The following WRN variants were observed in gnomAD, a reference collection of about 807,000 sequenced individuals.
The protein encoded by WRN is WRN RecQ like helicase.
WRN carries 149 observed loss-of-function variants against 180.7 expected under a neutral mutation model. The observed-to-expected ratio is 0.82, with a 90% CI of 0.72 to 0.94. The LOEUF (loss-of-function observed/expected upper bound fraction) is 0.94. WRN is among the 40% of genes least tolerant of loss of function. WRN has a pLI of 0.00. For missense variants in WRN, 1,661 were observed against 1,700.1 expected (o/e 0.98, Z 0.40); for synonymous variants, 548 against 568.9 (o/e 0.96, Z 0.52).
At position 31,116,296 on chromosome 8, in the gene WRN, G is replaced by A. The variant is rs527255720; in HGVS notation, c.2274-58G>A. ...AGAATTAAATAAGATAAAACCAAACGGGTCTGAAGCATGTATAAAGTATAT... is the reference window on the plus strand; with the variant it reads ...AGAATTAAATAAGATAAAACCAAACAGGTCTGAAGCATGTATAAAGTATAT... On this transcript the variant is annotated intron_variant, in intron 19 of 34. Coordinates refer to ENST00000298139, the MANE Select transcript of WRN (RefSeq NM_000553.6). The A allele has an allele frequency of 3.3e-5, 51 of 1,568,732 alleles. No homozygotes were observed. In the South Asian group the frequency reaches 5.6e-4, roughly 17 times the overall value.
rs1804196739 is a variant in WRN, at chr8:31,174,159, A to G, written c.*1057A>G. ...TAGTTAAAATATAAAAGTCTCGTAT[A>G]TTCCCATTTTTCTGCATTGCATTAC... is the stretch of plus-strand genomic sequence containing the variant. On this transcript the variant is annotated 3_prime_UTR_variant, in exon 35 of 35. Coordinates refer to ENST00000298139, the MANE Select transcript of WRN (RefSeq NM_000553.6). 6.6e-6 allele frequency among the ~76,000 whole-genome samples: 1 copy of G among 152,224 alleles called. No individual in the cohort carries two copies. The highest frequency in any genetic ancestry group is 1.5e-5 in the Non-Finnish European group (1 of 68,028).
At chr8:31,138,080 T>A (rs1585509922) in intron 24 of WRN, among the ~76,000 whole-genome samples, 1 of 151,778 alleles carries the variant, frequency 6.6e-6, no homozygotes, top group African/African-American at 2.4e-5. Context: ...CCAGCTTGGG[T>A]GACAAAGAGA....
chr8:31,056,131 T>C (rs1812262344), intron 1 of WRN, among the ~76,000 whole-genome samples: 1 of 152,242 alleles, frequency 6.6e-6, no homozygotes, highest in African/African-American at 2.4e-5. Flanking sequence ...GAAAGAGTTA[T>C]TGAAGTTTAT....
intron 15 of WRN, 85 bp from the exon 16 acceptor site, chr8:31,091,745 A>G (rs1473608251): frequency 7.8e-7 from 1 of 1,274,378 alleles, no homozygotes; most frequent in African/African-American, 1.5e-5. Flanking sequence ...AAATTATTAT[A>G]TTTCTTTATT....
At chr8:31,073,546 TTG>T (rs199740272) in intron 7 of WRN, among the ~76,000 whole-genome samples, 11,699 of 152,216 alleles carry the variant, frequency 0.077, 506 homozygotes, top group African/African-American at 0.13. Flanking sequence ...TGGGATCAAT[TTG>T]GGAAATATGA....
intron 11 of WRN, among the ~76,000 whole-genome samples, chr8:31,087,378 C>T (rs534737010): frequency 3.2e-4 from 49 of 152,148 alleles, no homozygotes; most frequent in African/African-American, 7.0e-4. Context: ...AGAAAGAATG[C>T]GACTGACACA....
chr8:31,125,275 T>C (rs182779988), intron 23 of WRN, among the ~76,000 whole-genome samples: 21 of 151,354 alleles, frequency 1.4e-4, no homozygotes, highest in Admixed American at 1.4e-3. Context: ...AAGAATTGGT[T>C]TAAAAACATG....
chr8:31,172,315 AT>A (rs1168363856), intron 34 of WRN, among the ~76,000 whole-genome samples: 4 of 150,448 alleles, frequency 2.7e-5, no homozygotes, highest in Non-Finnish European at 5.9e-5. Context: ...GCCTTAAATT[AT>A]TTTTTTTTCA....
intron 7 of WRN, 86 bp downstream of exon 7, chr8:31,068,413 G>T: frequency 1.8e-6 from 2 of 1,138,144 alleles, no homozygotes; most frequent in South Asian, 2.6e-5. Context: ...TATTTGCAAA[G>T]CATTTAGTAC....
At chr8:31,035,010 T>C (rs778351043) in intron 1 of WRN, among the ~76,000 whole-genome samples, 33 of 152,330 alleles carry the variant, frequency 2.2e-4, no homozygotes, top group Non-Finnish European at 3.7e-4. Context: ...TCTCTGGGCC[T>C]GATAATTTAA....
At chr8:31,091,033 C>T in intron 15 of WRN, 91 bp downstream of exon 15, 1 of 959,480 alleles carries the variant, frequency 1.0e-6, no homozygotes, top group South Asian at 1.3e-5. Flanking sequence ...AAATCTAGTT[C>T]ACAATAACAC....
rs113498783 is a variant in WRN, at chr8:31,158,438, G to A, written c.3982+908G>A. 4.7e-3 allele frequency among the ~76,000 whole-genome samples: 719 copies of A among 151,648 alleles called. 2 individuals carry two copies. The highest frequency in any genetic ancestry group is 8.0e-3 in the Non-Finnish European group (543 of 67,946). On this transcript the variant is annotated intron_variant, in intron 33 of 34. Coordinates refer to ENST00000298139, the MANE Select transcript of WRN (RefSeq NM_000553.6). ...TTTAACAGAAGTAAATAGGAGATAC[G>A]TTAGAGGATTTTCTCTCCTAGATGT...
chr8:31,091,463 A>G (rs1813744203), intron 15 of WRN, among the ~76,000 whole-genome samples: 1 of 152,060 alleles, frequency 6.6e-6, no homozygotes, highest in African/African-American at 2.4e-5. Flanking sequence ...TGCTGGGAAC[A>G]TTTCTAATCT....
chr8:31,077,066 A>G (rs547447014), intron 8 of WRN, among the ~76,000 whole-genome samples: 67 of 152,344 alleles, frequency 4.4e-4, no homozygotes, highest in Non-Finnish European at 6.9e-4. Flanking sequence ...TGGAATAGAA[A>G]GAATTCTGAC....
At chr8:31,133,159 GTCCTT>G (rs1290217733) in intron 24 of WRN, among the ~76,000 whole-genome samples, 1 of 152,116 alleles carries the variant, frequency 6.6e-6, no homozygotes, top group Non-Finnish European at 1.5e-5. Context: ...TTGTTCTGTA[GTCCTT>G]TCCTTTATAT....
chr8:31,080,900 T>C lies in WRN; in HGVS notation c.873T>C (p.Asn291=). 3 of 1,609,804 alleles carry C rather than the reference T, an allele frequency of 1.9e-6. No individual in the cohort carries two copies. The highest frequency in any genetic ancestry group is 2.5e-6 in the Non-Finnish European group (3 of 1,179,030). Residue 291 remains asparagine (N), a synonymous_variant, in exon 9 of 35, where the codon AAT becomes AAC. Coordinates refer to ENST00000298139, the MANE Select transcript of WRN (RefSeq NM_000553.6). ...TCTTACTAAAGGATATTTCAGAAAATCTATATTCACTGAGGAGGATGATAA... is the reference window on the plus strand; with the variant it reads ...TCTTACTAAAGGATATTTCAGAAAACCTATATTCACTGAGGAGGATGATAA... The part of the protein sequence containing the change: ...VSILLKDISE[N]LYSLRRMIIG...
intron 20 of WRN, 34 bp from the exon 21 acceptor site, chr8:31,120,209 A>G: frequency 1.2e-6 from 2 of 1,611,150 alleles, no homozygotes; most frequent in Non-Finnish European, 8.5e-7. Flanking sequence ...TCTGCTAAAT[A>G]TGTTTGTCAA....
intron 23 of WRN, among the ~76,000 whole-genome samples, chr8:31,129,477 G>A (rs573250745): frequency 1.3e-5 from 2 of 152,226 alleles, no homozygotes; most frequent in Non-Finnish European, 2.9e-5. Context: ...ATTCTTCAAT[G>A]AATTTGGAAG....
intron 34 of WRN, among the ~76,000 whole-genome samples, chr8:31,169,441 C>T (rs1445103213): frequency 2.0e-5 from 3 of 151,814 alleles, no homozygotes; most frequent in Non-Finnish European, 4.4e-5. Flanking sequence ...GGTTTTCCCC[C>T]TCAGTTTTGA....
Sources: gnomAD v4.1 joint callset for allele counts (sites outside exome capture counted in the v4.1 genomes callset) on GRCh38, gnomAD v4.1.1 for gene constraint, MANE v1.5 for transcripts, NCBI Gene and HGNC (gene_info 2026-07-23, HGNC 2026-07-21) for gene names.